Variants in ZEB2 observed in about 807,000 individuals in gnomAD.
ZEB2 encodes zinc finger E-box-binding homeobox 2.
Under a neutral mutation model 99.9 loss-of-function variants are expected in ZEB2, and 6 were observed. That is an observed-to-expected ratio of 0.06 (90% CI 0.03 to 0.12). The LOEUF (loss-of-function observed/expected upper bound fraction) is 0.12, where lower values mean the gene tolerates loss of function less well. Among genes scored for constraint, ZEB2 ranks in the 10% least tolerant of loss-of-function variants. The probability of loss-of-function intolerance (pLI) is 1.00; values close to 1 mark genes in which losing one functional copy is unlikely to be tolerated. For synonymous variants in ZEB2, 517 were observed against 542.5 expected (o/e 0.95, Z 0.65); for missense variants, 969 against 1,502.8 (o/e 0.64, Z 5.87).
intron 2 of ZEB2, among the ~76,000 whole-genome samples, chr2:144,434,985 C>T (rs180892801): frequency 1.1e-4 from 17 of 152,278 alleles, no homozygotes; most frequent in Admixed American, 3.3e-4. Context: ...GTTGTATGTG[C>T]AATGGCACTG....
chr2:144,440,641 A>G (rs1452657570), intron 2 of ZEB2, among the ~76,000 whole-genome samples: 1 of 151,326 alleles, frequency 6.6e-6, no homozygotes, highest in Admixed American at 6.6e-5. Flanking sequence ...AGTCACACGC[A>G]TGGTGTGCCT....
intron 2 of ZEB2, among the ~76,000 whole-genome samples, chr2:144,493,327 C>T (rs958460368): frequency 6.6e-6 from 1 of 152,168 alleles, no homozygotes; most frequent in African/African-American, 2.4e-5. Context: ...TTTCTAGGCT[C>T]CAGACACTGT....
Position 144,488,850 on chromosome 2 carries a change from G to C in ZEB2, c.73+28428C>G, listed in dbSNP as rs578104431. Among the ~76,000 whole-genome samples the C allele has an allele frequency of 2.0e-5, 3 of 152,188 alleles. No homozygotes were observed. The South Asian group carries it at 6.2e-4, about 32-fold the overall frequency. On this transcript the variant is annotated intron_variant, in intron 2 of 9. Transcript: ENST00000627532. ...CCCTATGAGACAGAGAAATGGACTG[G>C]TTACTTTTAACATATAGTTTATTTG...
chr2:144,471,386 C>A (rs1704353058), intron 2 of ZEB2, among the ~76,000 whole-genome samples: 1 of 152,140 alleles, frequency 6.6e-6, no homozygotes, highest in South Asian at 2.1e-4. Flanking sequence ...CACAAACCTC[C>A]TTCAACAACA....
chr2:144,513,485 C>A, intron 2 of ZEB2: 1 of 1,517,078 alleles, frequency 6.6e-7, no homozygotes, highest in Non-Finnish European at 8.8e-7. Context: ...TTTCTCTCCT[C>A]CTAATTCAGT....
At chr2:144,504,098 CA>C (rs1704918372) in intron 2 of ZEB2, 1 of 54,794 alleles carries the variant, frequency 1.8e-5, no homozygotes, top group African/African-American at 5.1e-5. Context: ...AAAAAAACAA[CA>C]AAAAAAACAA....
At chr2:144,448,428 G>A (rs969518941) in intron 2 of ZEB2, among the ~76,000 whole-genome samples, 4 of 152,140 alleles carry the variant, frequency 2.6e-5, no homozygotes, top group South Asian at 2.1e-4. Context: ...GAAAGTTCAC[G>A]CAGCTAAGTG....
rs745578574 is a variant in ZEB2, at chr2:144,387,386, T to C, written c.*2065A>G. ...TAAGAAGCAGAATCTAGTTTCTTGATAAAAGTCATTATGTAAAACCTACGA... is the reference window on the plus strand; with the variant it reads ...TAAGAAGCAGAATCTAGTTTCTTGACAAAAGTCATTATGTAAAACCTACGA... On this transcript the variant is annotated 3_prime_UTR_variant, in exon 10 of 10. Transcript: ENST00000627532. The C allele has an allele frequency of 4.6e-5, 7 of 152,166 alleles. No homozygotes were observed. The highest frequency in any genetic ancestry group is 8.8e-5 in the Non-Finnish European group (6 of 68,016). 9.4% of individuals were successfully genotyped at this position (152,166 alleles called of 1,614,324 possible).
intron 2 of ZEB2, among the ~76,000 whole-genome samples, chr2:144,453,365 A>C (rs1573763621): frequency 6.6e-6 from 1 of 152,244 alleles, no homozygotes; most frequent in Non-Finnish European, 1.5e-5. Context: ...ACTTGGACCC[A>C]GGGCAGGTCT....
intron 2 of ZEB2, among the ~76,000 whole-genome samples, chr2:144,499,552 T>C (rs1241780775): frequency 6.6e-6 from 1 of 152,226 alleles, no homozygotes; most frequent in African/African-American, 2.4e-5. Context: ...TAGTGATAAC[T>C]TTATTAACTG....
chr2:144,424,771 T>C (rs1378280934), intron 4 of ZEB2, 25 bp downstream of exon 4: 1 of 1,613,804 alleles, frequency 6.2e-7, no homozygotes, highest in Non-Finnish European at 8.5e-7. Flanking sequence ...ACAAATGTGA[T>C]CTGAGCGTGG....
intron 4 of ZEB2, among the ~76,000 whole-genome samples, chr2:144,415,525 T>C (rs1233907174): frequency 1.3e-5 from 2 of 152,210 alleles, no homozygotes; most frequent in Admixed American, 1.3e-4. Flanking sequence ...AATGAAACTG[T>C]GTCATCCCCT....
At chr2:144,486,847 T>C (rs1704604328) in intron 2 of ZEB2, among the ~76,000 whole-genome samples, 1 of 152,212 alleles carries the variant, frequency 6.6e-6, no homozygotes, top group South Asian at 2.1e-4. Flanking sequence ...CTAAGAATTT[T>C]TCTTGGCCCC....
intron 2 of ZEB2, among the ~76,000 whole-genome samples, chr2:144,473,441 T>A (rs540481328): frequency 4.6e-5 from 7 of 152,288 alleles, no homozygotes; most frequent in African/African-American, 1.7e-4. Context: ...GATTCTTTTT[T>A]TGGTAGAGAC....
At chr2:144,518,086 A>C (rs74341461) in intron 1 of ZEB2, 885 of 79,580 alleles carry the variant, frequency 0.011, no homozygotes, top group African/African-American at 0.012. Flanking sequence ...CCTTTACCCC[A>C]CCCCCCCTCG....
chr2:144,410,664 T>C (rs1014159992), intron 4 of ZEB2, among the ~76,000 whole-genome samples: 3 of 152,136 alleles, frequency 2.0e-5, no homozygotes, highest in African/African-American at 7.2e-5. Flanking sequence ...TGGCATTCAT[T>C]TTCTTTATTT....
chr2:144,513,433 GA>G (rs1169960999), intron 2 of ZEB2: 1 of 1,425,072 alleles, frequency 7.0e-7, no homozygotes, highest in Admixed American at 2.1e-5. Flanking sequence ...AAACTCTGGA[GA>G]AAAATCAAAT....
chr2:144,403,805 G>T (rs1237715785), intron 6 of ZEB2, 111 bp downstream of exon 6: 1 of 1,377,100 alleles, frequency 7.3e-7, no homozygotes, highest in Non-Finnish European at 1.0e-6. Flanking sequence ...ACCATTAAAA[G>T]ATCTGCATCT....
chr2:144,498,107 T>G lies in ZEB2; in HGVS notation c.73+19171A>C, dbSNP rs748891744. 1.0e-3 allele frequency among the ~76,000 whole-genome samples: 112 copies of G among 106,742 alleles called. 3 individuals are homozygous for G. Among genetic ancestry groups the G allele is most frequent in the Middle Eastern group, 3.9e-3 (1 of 254 alleles). 70.0% of individuals were successfully genotyped at this position (106,742 alleles called of 152,430 possible). A position where few individuals can be genotyped will look rare whatever the true frequency, so the allele number is the denominator to read the frequency against. ...TATAATATATATTAATATTATATAT[T>G]ATATAATATATATTAATATTATATA... On this transcript the variant is annotated intron_variant, in intron 2 of 9. Coordinates refer to ENST00000627532, the MANE Select transcript of ZEB2 (RefSeq NM_014795.4).
Sources: gnomAD v4.1 joint callset for allele counts (sites outside exome capture counted in the v4.1 genomes callset) on GRCh38, gnomAD v4.1.1 for gene constraint, MANE v1.5 for transcripts, NCBI Gene and HGNC (gene_info 2026-07-23, HGNC 2026-07-21) for gene names.